ZFYVE1: variants seen among roughly 807,000 people sequenced by gnomAD.
ZFYVE1 encodes zinc finger FYVE domain-containing protein 1.
ZFYVE1 carries 30 observed loss-of-function variants against 74.4 expected under a neutral mutation model. The ratio of observed to expected loss-of-function variants is 0.40; its 90% CI spans 0.30 to 0.55. ZFYVE1 has a LOEUF of 0.55. Ranked by LOEUF, ZFYVE1 falls within the 20% of genes least tolerant of loss-of-function variation. The pLI is 0.42. For synonymous variants in ZFYVE1, 335 were observed against 385.1 expected (o/e 0.87, Z 1.52); for missense variants, 703 against 1,011.6 (o/e 0.69, Z 4.14).
Position 73,024,431 on chromosome 14 carries a change from C to A in ZFYVE1, c.78G>T (p.Gly26=), listed in dbSNP as rs1004645937. The A allele has an allele frequency of 1.2e-6, 2 of 1,614,024 alleles. No homozygotes were observed. The highest frequency in any genetic ancestry group is 1.7e-6 in the Non-Finnish European group (2 of 1,180,012). ...LMCQESYACS[G]TDEAIFECDE... ...CACACTCAAAGATAGCTTCATCAGT[C>A]CCGCTGCAAGCGTAACTTTCCTGGC... is the stretch of plus-strand genomic sequence containing the variant. Residue 26 remains glycine, a synonymous_variant, in exon 2 of 12, where the codon GGG becomes GGT. Transcript: ENST00000556143.
intron 4 of ZFYVE1, among the ~76,000 whole-genome samples, chr14:72,985,912 C>G (rs74585385): frequency 0.071 from 10,821 of 152,162 alleles, 529 homozygotes; most frequent in East Asian, 0.19. Context: ...TGTGCCCAGC[C>G]AAGAATAGCA....
intron 4 of ZFYVE1, among the ~76,000 whole-genome samples, chr14:72,992,614 T>TGGGGGGGGG (rs1893639948): frequency 9.9e-6 from 1 of 101,494 alleles, no homozygotes. Context: ...CCCATTCAGG[T>TGGGGGGGGG]GCCCCCCCCG....
rs1250681227 is a variant in ZFYVE1 at position 72,998,141 on chromosome 14, C to G, written c.658G>C (p.Gly220Arg). ...ACTGGGTCATAGGCTGCCCACACTC[C>G]CACAGTGCAGGACTCCTGGGTCGGG... ...TSPTQESCTV[G>R]VWAAYDPVHK... Residue 220 changes from glycine (G) to arginine (R), a missense_variant, in exon 3 of 12, where the codon GGA becomes CGA. Coordinates refer to ENST00000556143, the MANE Select transcript of ZFYVE1 (RefSeq NM_021260.4). 6.2e-7 allele frequency: 1 copy of G among 1,613,940 alleles called. No homozygotes were observed. The highest frequency in any genetic ancestry group is 1.7e-5 in the Admixed American group (1 of 59,996).
chr14:73,015,790 C>A (rs571586728), intron 2 of ZFYVE1, among the ~76,000 whole-genome samples: 13 of 152,258 alleles, frequency 8.5e-5, no homozygotes, highest in South Asian at 2.1e-4. Context: ...GGCCGCCAAG[C>A]CACACGATGG....
intron 2 of ZFYVE1, among the ~76,000 whole-genome samples, chr14:73,020,053 A>C (rs1456720076): frequency 6.6e-6 from 1 of 152,090 alleles, no homozygotes; most frequent in Non-Finnish European, 1.5e-5. Flanking sequence ...TCAAGAGATC[A>C]AGACCATCCT....
At chr14:72,976,656 G>A (rs189258174) in intron 8 of ZFYVE1, among the ~76,000 whole-genome samples, 11 of 151,878 alleles carry the variant, frequency 7.2e-5, no homozygotes, top group Admixed American at 2.0e-4. Flanking sequence ...GGTAGCACGC[G>A]CCTGTAATCC....
intron 5 of ZFYVE1, 41 bp downstream of exon 5, chr14:72,981,748 T>C: frequency 6.3e-7 from 1 of 1,587,460 alleles, no homozygotes; most frequent in African/African-American, 1.3e-5. Context: ...GGCTCTATTC[T>C]CAAGGTATGG....
At position 73,024,160 on chromosome 14, in the gene ZFYVE1, G is replaced by A; in HGVS notation, c.349C>T (p.Pro117Ser). ...THSGGNKRRH[P>S]VTVYNVSNLQ... ...TTACTGACATTGTACACAGTAACAG[G>A]GTGTCTCCTTTTGTTACCCCCAGAA... Residue 117 changes from proline to serine, a missense_variant, in exon 2 of 12, where the codon CCT (proline) becomes TCT (serine). Physicochemically the swap from Pro to Ser is moderately conservative, Grantham distance 74 (BLOSUM62 -1). Around this residue, in one of 2 missense-constraint regions of ZFYVE1, gnomAD observed 211 missense variants for 221.7 expected, o/e 0.95. Transcript: ENST00000556143. The A allele has an allele frequency of 6.2e-7, 1 of 1,614,042 alleles. No homozygotes were observed. The highest frequency in any genetic ancestry group is 8.5e-7 in the Non-Finnish European group (1 of 1,180,014).
chr14:72,985,587 C>T (rs1893455019), intron 4 of ZFYVE1, among the ~76,000 whole-genome samples: 1 of 151,896 alleles, frequency 6.6e-6, no homozygotes. Flanking sequence ...CCAACTCAGC[C>T]TCCCAAGGTG....
At chr14:72,989,020 C>T (rs1893550140) in intron 4 of ZFYVE1, among the ~76,000 whole-genome samples, 1 of 150,376 alleles carries the variant, frequency 6.6e-6, no homozygotes, top group African/African-American at 2.5e-5. Flanking sequence ...ACCTCCACCT[C>T]CAGGGGTTCA....
At chr14:73,021,120 G>A (rs962129788) in intron 2 of ZFYVE1, among the ~76,000 whole-genome samples, 21 of 152,124 alleles carry the variant, frequency 1.4e-4, no homozygotes, top group Admixed American at 5.2e-4. Flanking sequence ...TGAGGCGGGC[G>A]GATAACTTGA....
intron 2 of ZFYVE1, among the ~76,000 whole-genome samples, chr14:73,002,767 A>G (rs1360098113): frequency 7.6e-6 from 1 of 132,118 alleles, no homozygotes; most frequent in Non-Finnish European, 1.6e-5. Flanking sequence ...TCTGAGACAG[A>G]GTCTAGCTCT....
At chr14:73,015,675 C>T (rs142972486) in intron 2 of ZFYVE1, among the ~76,000 whole-genome samples, 24 of 152,140 alleles carry the variant, frequency 1.6e-4, no homozygotes, top group Non-Finnish European at 2.9e-4. Flanking sequence ...TGAGCCACCA[C>T]GCCCGGCCTG....
intron 2 of ZFYVE1, among the ~76,000 whole-genome samples, chr14:73,008,507 A>G (rs1455063247): frequency 6.6e-6 from 1 of 152,182 alleles, no homozygotes; most frequent in Non-Finnish European, 1.5e-5. Flanking sequence ...TCTTTTTTTA[A>G]AAAAAGTCAT....
chr14:73,007,951 G>A (rs181215820), intron 2 of ZFYVE1, among the ~76,000 whole-genome samples: 58 of 152,210 alleles, frequency 3.8e-4, no homozygotes, highest in African/African-American at 1.3e-3. Context: ...CTGAAGTCAC[G>A]GGGTTGGTCT....
At chr14:73,022,625 C>T (rs762284357) in intron 2 of ZFYVE1, among the ~76,000 whole-genome samples, 5 of 152,158 alleles carry the variant, frequency 3.3e-5, no homozygotes, top group Admixed American at 2.0e-4. Context: ...TTACCCTTGG[C>T]TATATAGTGA....
chr14:72,993,086 G>T (rs994492174), intron 4 of ZFYVE1, 57 bp downstream of exon 4: 2 of 1,495,392 alleles, frequency 1.3e-6, no homozygotes, highest in Admixed American at 2.2e-5. Context: ...CGAACTGAGT[G>T]TTCTCACCAC....
At chr14:72,971,173 C>G in intron 11 of ZFYVE1, 59 bp from the exon 12 acceptor site, 1 of 1,565,060 alleles carries the variant, frequency 6.4e-7, no homozygotes, top group Non-Finnish European at 8.8e-7. Flanking sequence ...GCCCAACTAG[C>G]AAGAGGCCAT....
At chr14:72,971,456 C>T (rs768024095) in intron 11 of ZFYVE1, among the ~76,000 whole-genome samples, 3 of 152,162 alleles carry the variant, frequency 2.0e-5, no homozygotes, top group Non-Finnish European at 4.4e-5. Context: ...CCCACCTCAG[C>T]CTCCCAAGTA....
Sources: gnomAD v4.1 joint callset for allele counts (sites outside exome capture counted in the v4.1 genomes callset) on GRCh38, gnomAD v4.1.1 for gene constraint, gnomAD v4.1.1 regional missense constraint, MANE v1.5 for transcripts, NCBI Gene and HGNC (gene_info 2026-07-23, HGNC 2026-07-21) for gene names.